The following EML6 variants were observed in gnomAD, a reference collection of about 807,000 sequenced individuals.
The protein encoded by EML6 is echinoderm microtubule-associated protein-like 6.
In EML6, 154 loss-of-function variants were observed where a neutral mutation model predicts 240.1. The observed-to-expected ratio is 0.64, with a 90% CI of 0.56 to 0.73. The LOEUF (loss-of-function observed/expected upper bound fraction) is 0.73. Ranked by LOEUF, EML6 falls within the 30% of genes least tolerant of loss-of-function variation. The pLI, the probability that EML6 is intolerant of heterozygous loss-of-function variation, is 0.00. For missense variants in EML6, 2,964 were observed against 2,474.6 expected (o/e 1.20, Z -4.20); for synonymous variants, 1,148 against 899.0 (o/e 1.28, Z -4.95).
At chr2:54,935,701 C>T (rs780406277) in intron 28 of EML6, among the ~76,000 whole-genome samples, 13 of 152,072 alleles carry the variant, frequency 8.5e-5, no homozygotes, top group South Asian at 2.1e-4. Flanking sequence ...TTTTGTTATT[C>T]GCATATATCT....
intron 2 of EML6, among the ~76,000 whole-genome samples, chr2:54,751,982 T>A (rs927828409): frequency 6.6e-6 from 1 of 152,216 alleles, no homozygotes; most frequent in Non-Finnish European, 1.5e-5. Context: ...AAGGTAAACT[T>A]CAGCAGCCTC....
Position 54,960,291 on chromosome 2 carries a change from C to T in EML6, c.4925C>T (p.Thr1642Ile), listed in dbSNP as rs1676435700. Residue 1642 changes from threonine to isoleucine, a missense_variant, in exon 35 of 42, where the codon ACC (threonine) becomes ATC (isoleucine). Transcript: ENST00000356458. ...MKRCRAFQLETGQLVECVRSV... is the reference protein window; with the variant it reads ...MKRCRAFQLEIGQLVECVRSV... ...CGCTGCCGGGCCTTTCAGCTGGAGA[C>T]CGGGCAGCTGGTGGAGTGTGTGCGC... 6.4e-7 allele frequency: 1 copy of T among 1,551,320 alleles called. No individual in the cohort carries two copies. The highest frequency in any genetic ancestry group is 8.7e-7 in the Non-Finnish European group (1 of 1,146,900).
intron 16 of EML6, among the ~76,000 whole-genome samples, chr2:54,871,919 A>G (rs1485667172): frequency 6.6e-6 from 1 of 152,224 alleles, no homozygotes; most frequent in African/African-American, 2.4e-5. Context: ...GCAATTTGAA[A>G]TCCAGAGCAG....
chr2:54,785,161 AC>A (rs1181818210), intron 2 of EML6, among the ~76,000 whole-genome samples: 4 of 134,284 alleles, frequency 3.0e-5, no homozygotes, highest in African/African-American at 5.7e-5. Context: ...CCACCCCCCC[AC>A]ACACACACTT....
At chr2:54,798,438 G>T (rs1469207937) in intron 2 of EML6, among the ~76,000 whole-genome samples, 1 of 152,170 alleles carries the variant, frequency 6.6e-6, no homozygotes, top group African/African-American at 2.4e-5. Context: ...CCCCTAAAGT[G>T]CTGGGATTAC....
In EML6 at chr2:54,801,130, C is replaced by T. The variant is rs1005975124; in HGVS notation, c.198-12102C>T. On this transcript the variant is annotated intron_variant, in intron 2 of 41. Coordinates refer to ENST00000356458, the MANE Select transcript of EML6 (RefSeq NM_001039753.4). ...GGTCAGGAGATTGAGACCATCCTGG[C>T]TAATACAGTGAAACCCCGTCTCTAC... Among the ~76,000 whole-genome samples the T allele has an allele frequency of 2.0e-5, 3 of 151,966 alleles. No individual in the cohort carries two copies. The South Asian group carries it at 6.3e-4, about 32-fold the overall frequency.
chr2:54,802,948 GT>G (rs1558562388), intron 2 of EML6, among the ~76,000 whole-genome samples: 1 of 152,150 alleles, frequency 6.6e-6, no homozygotes, highest in Non-Finnish European at 1.5e-5. Flanking sequence ...AGAATTGAGA[GT>G]AGTGGGCAAG....
chr2:54,733,144 G>T (rs550970686), intron 2 of EML6, among the ~76,000 whole-genome samples: 19 of 152,330 alleles, frequency 1.2e-4, no homozygotes, highest in Non-Finnish European at 1.6e-4. Flanking sequence ...CACAAAGGAG[G>T]GGAGCAGCAG....
chr2:54,821,845 A>C (rs1668349636), intron 5 of EML6, among the ~76,000 whole-genome samples: 1 of 152,108 alleles, frequency 6.6e-6, no homozygotes, highest in Non-Finnish European at 1.5e-5. Context: ...AAGTTTCAAA[A>C]ACTATAAAAT....
chr2:54,730,177 T>A (rs1319265153), intron 2 of EML6, among the ~76,000 whole-genome samples: 2 of 151,812 alleles, frequency 1.3e-5, no homozygotes, highest in Non-Finnish European at 2.9e-5. Context: ...AAAAGAGAAA[T>A]ATCCACAGCT....
At position 54,903,513 on chromosome 2, in the gene EML6, T is replaced by C. The variant is rs1673167436; in HGVS notation, c.3409+11T>C. 1 of 1,536,490 alleles carries C rather than the reference T, an allele frequency of 6.5e-7. No individual in the cohort carries two copies. The highest frequency in any genetic ancestry group is 8.8e-7 in the Non-Finnish European group (1 of 1,140,784). ...ACTGGGACTCTAGAGGTAAAGTATG[T>C]TGTGGCTTTTAAAATAGAATTTCTG... On this transcript the variant is annotated intron_variant, in intron 24 of 41. Coordinates refer to ENST00000356458, the MANE Select transcript of EML6 (RefSeq NM_001039753.4).
At chr2:54,872,490 T>A (rs1671307082) in intron 16 of EML6, among the ~76,000 whole-genome samples, 1 of 152,176 alleles carries the variant, frequency 6.6e-6, no homozygotes, top group African/African-American at 2.4e-5. Context: ...ATGGTAGTCA[T>A]GCTGGTCTCT....
intron 26 of EML6, among the ~76,000 whole-genome samples, chr2:54,918,920 C>A (rs1429879223): frequency 6.6e-6 from 1 of 152,182 alleles, no homozygotes; most frequent in African/African-American, 2.4e-5. Context: ...TATCGAACTC[C>A]TGTGTAATAT....
chr2:54,846,774 G>C (rs1669781431), intron 8 of EML6, among the ~76,000 whole-genome samples: 1 of 150,874 alleles, frequency 6.6e-6, no homozygotes, highest in African/African-American at 2.4e-5. Flanking sequence ...ATGAGCCACT[G>C]TGTCTGGCGC....
chr2:54,837,771 G>T (rs1249443493), intron 7 of EML6, among the ~76,000 whole-genome samples: 4 of 152,210 alleles, frequency 2.6e-5, no homozygotes, highest in Non-Finnish European at 5.9e-5. Flanking sequence ...TAAAAGTAAT[G>T]AAGTCTTGCT....
chr2:54,806,612 C>CAAAAAAAAAAAAA lies in EML6; in HGVS notation c.198-6600_198-6588dup, dbSNP rs58185994. ...TGGGCAACAAGAGTGACTCCGTCTC[C>CAAAAAAAAAAAAA]AAAAAAAAAAAAAAAAAAAAAAAAA... On this transcript the variant is annotated intron_variant, in intron 2 of 41. Transcript: ENST00000356458. Among the ~76,000 whole-genome samples the CAAAAAAAAAAAAA allele has an allele frequency of 3.1e-3, 164 of 52,858 alleles. 3 individuals carry two copies. The highest frequency in any genetic ancestry group is 4.8e-3 in the East Asian group (9 of 1,882). The allele number at this position is 52,858 out of a possible 152,430, so 34.7% of individuals were successfully genotyped here. A position where few individuals can be genotyped will look rare whatever the true frequency, so the allele number is the denominator to read the frequency against.
At chr2:54,888,101 T>C (rs1187604752) in intron 17 of EML6, among the ~76,000 whole-genome samples, 1 of 152,240 alleles carries the variant, frequency 6.6e-6, no homozygotes, top group Non-Finnish European at 1.5e-5. Flanking sequence ...AAAGACTTTA[T>C]TGCAGTTTGA....
chr2:54,956,018 C>CGTGT (rs35863783), intron 32 of EML6, among the ~76,000 whole-genome samples: 5,232 of 150,286 alleles, frequency 0.035, 109 homozygotes, highest in African/African-American at 0.045. Context: ...TTTTGGGGAA[C>CGTGT]GTGTGTGTGT....
chr2:54,946,750 C>T (rs1675712515), intron 28 of EML6, among the ~76,000 whole-genome samples: 1 of 152,172 alleles, frequency 6.6e-6, no homozygotes, highest in Non-Finnish European at 1.5e-5. Context: ...ACGCAGAATC[C>T]ACAACCGCGA....
Sources: gnomAD v4.1 joint callset for allele counts (sites outside exome capture counted in the v4.1 genomes callset) on GRCh38, gnomAD v4.1.1 for gene constraint, MANE v1.5 for transcripts, NCBI Gene and HGNC (gene_info 2026-07-23, HGNC 2026-07-21) for gene names.